Variants in TMEM120B observed in about 807,000 individuals in gnomAD.
TMEM120B encodes the protein transmembrane protein 120B.
Under a neutral mutation model 55.5 loss-of-function variants are expected in TMEM120B, and 31 were observed. The ratio of observed to expected loss-of-function variants is 0.56; its 90% CI spans 0.42 to 0.75. TMEM120B has a LOEUF of 0.75. Ranked by LOEUF, TMEM120B falls within the 30% of genes least tolerant of loss-of-function variation. TMEM120B has a pLI of 0.00. For missense variants in TMEM120B, 399 were observed against 425.5 expected (o/e 0.94, Z 0.55); for synonymous variants, 203 against 176.3 (o/e 1.15, Z -1.20).
rs1432530021 is a variant in TMEM120B, at chr12:121,779,675, A to G, written c.*3953A>G. 1 of 1,613,132 alleles carries G rather than the reference A, an allele frequency of 6.2e-7. No individual in the cohort carries two copies. The highest frequency in any genetic ancestry group is 1.1e-5 in the South Asian group (1 of 91,076). ...AGGCGCTCAGGCCCTGGGTGGGGGG[A>G]GGAGCCAGCATTAGGTGAGGGGCCC... On this transcript the variant is annotated 3_prime_UTR_variant, in exon 12 of 12. Coordinates refer to ENST00000449592, the MANE Select transcript of TMEM120B (RefSeq NM_001080825.2).
At chr12:121,751,000 C>CA (rs1873295867) in intron 4 of TMEM120B, among the ~76,000 whole-genome samples, 1 of 112,632 alleles carries the variant, frequency 8.9e-6, no homozygotes, top group Admixed American at 8.7e-5. Context: ...ACCCCACACC[C>CA]CATATTCACA....
chr12:121,750,317 T>A, intron 3 of TMEM120B, 63 bp from the exon 4 acceptor site: 3 of 1,473,472 alleles, frequency 2.0e-6, no homozygotes, highest in Non-Finnish European at 2.8e-6. Flanking sequence ...GTGTTGAGTT[T>A]GAATGTTGTT....
At chr12:121,739,629 C>A (rs1343172772) in intron 1 of TMEM120B, among the ~76,000 whole-genome samples, 1 of 151,354 alleles carries the variant, frequency 6.6e-6, no homozygotes, top group African/African-American at 2.4e-5. Flanking sequence ...CCCGCCACCA[C>A]ACCTGGCTAA....
At chr12:121,728,852 G>A (rs1351539889) in intron 1 of TMEM120B, among the ~76,000 whole-genome samples, 2 of 152,226 alleles carry the variant, frequency 1.3e-5, no homozygotes, top group East Asian at 3.9e-4. Context: ...TGGCAAGACA[G>A]CCCTATGAGC....
At chr12:121,724,440 A>G (rs1894852335) in intron 1 of TMEM120B, among the ~76,000 whole-genome samples, 1 of 151,782 alleles carries the variant, frequency 6.6e-6, no homozygotes. Context: ...GGCCTCCCAA[A>G]GTGCTGGGAT....
intron 2 of TMEM120B, among the ~76,000 whole-genome samples, chr12:121,744,490 G>A (rs1030725759): frequency 1.3e-5 from 2 of 152,216 alleles, no homozygotes; most frequent in South Asian, 4.1e-4. Context: ...CCTTTTGTGG[G>A]TGTGGGGTGC....
chr12:121,757,020 T>G lies in TMEM120B; in HGVS notation c.462-4629T>G, dbSNP rs1873493573. ...GGCAGTGTACGGTGTCCGTCATGACTTCGGCAGCACCAGAGAGCGTCCACA... is the reference window on the plus strand; with the variant it reads ...GGCAGTGTACGGTGTCCGTCATGACGTCGGCAGCACCAGAGAGCGTCCACA... On this transcript the variant is annotated intron_variant, in intron 5 of 11. Coordinates refer to ENST00000449592, the MANE Select transcript of TMEM120B (RefSeq NM_001080825.2). 2.0e-5 allele frequency among the ~76,000 whole-genome samples: 3 copies of G among 152,060 alleles called. No individual in the cohort carries two copies. The South Asian group carries it at 6.2e-4, about 32-fold the overall frequency.
At chr12:121,720,271 A>C (rs1167072588) in intron 1 of TMEM120B, among the ~76,000 whole-genome samples, 1 of 152,172 alleles carries the variant, frequency 6.6e-6, no homozygotes, top group African/African-American at 2.4e-5. Flanking sequence ...ATGGATTCTG[A>C]CACATGACTC....
intron 6 of TMEM120B, 62 bp from the exon 7 acceptor site, chr12:121,770,845 C>T (rs1037237033): frequency 8.2e-5 from 124 of 1,513,284 alleles, no homozygotes; most frequent in Admixed American, 1.0e-4. Context: ...GGGGCCTCAG[C>T]GAGACACATG....
chr12:121,727,750 A>G (rs561080807), intron 1 of TMEM120B, among the ~76,000 whole-genome samples: 1 of 149,270 alleles, frequency 6.7e-6, no homozygotes, highest in Non-Finnish European at 1.5e-5. Context: ...GGCAGGCGCC[A>G]GTAGTCCCAG....
chr12:121,757,151 G>A (rs900576887), intron 5 of TMEM120B, among the ~76,000 whole-genome samples: 3 of 149,736 alleles, frequency 2.0e-5, no homozygotes, highest in African/African-American at 7.5e-5. Flanking sequence ...GGGGGGGGGG[G>A]GTGTCACTTA....
rs1265671645 is a variant in TMEM120B, at chr12:121,778,540, A to C, written c.*2818A>C. On this transcript the variant is annotated 3_prime_UTR_variant, in exon 12 of 12. Coordinates refer to ENST00000449592, the MANE Select transcript of TMEM120B (RefSeq NM_001080825.2). ...GATTAGGTATCTGGCTGTTGGTGAC[A>C]CAGGTGGTCTATGAACCAGTTCTGA... 6.6e-6 allele frequency: 1 copy of C among 151,794 alleles called. No individual in the cohort carries two copies. The highest frequency in any genetic ancestry group is 2.4e-5 in the African/African-American group (1 of 41,254). The allele number at this position is 151,794 out of a possible 1,614,324, so 9.4% of individuals were successfully genotyped here.
At chr12:121,751,754 C>A (rs1592939113) in intron 4 of TMEM120B, among the ~76,000 whole-genome samples, 3 of 150,490 alleles carry the variant, frequency 2.0e-5, no homozygotes, top group African/African-American at 7.3e-5. Context: ...CGCCCTATCA[C>A]ACACATAGGG....
intron 1 of TMEM120B, among the ~76,000 whole-genome samples, chr12:121,715,455 T>G (rs1894682973): frequency 6.6e-6 from 1 of 152,218 alleles, no homozygotes; most frequent in Non-Finnish European, 1.5e-5. Flanking sequence ...TGACTCTTTC[T>G]TAGGACTTGG....
At chr12:121,719,622 C>T (rs774642631) in intron 1 of TMEM120B, among the ~76,000 whole-genome samples, 2 of 151,980 alleles carry the variant, frequency 1.3e-5, no homozygotes, top group Non-Finnish European at 2.9e-5. Flanking sequence ...ACAGTGGCAT[C>T]GATTGGACAC....
At chr12:121,751,745 G>A (rs547170207) in intron 4 of TMEM120B, among the ~76,000 whole-genome samples, 72 of 146,094 alleles carry the variant, frequency 4.9e-4, no homozygotes, top group African/African-American at 1.7e-3. Context: ...TCTGTTTCAC[G>A]CCCTATCACA....
At chr12:121,759,741 A>C (rs1359521316) in intron 5 of TMEM120B, among the ~76,000 whole-genome samples, 2 of 152,084 alleles carry the variant, frequency 1.3e-5, no homozygotes, top group Non-Finnish European at 2.9e-5. Flanking sequence ...CATGCCTGTA[A>C]TGCCAGCACT....
At chr12:121,727,207 A>G (rs1894912407) in intron 1 of TMEM120B, among the ~76,000 whole-genome samples, 2 of 151,900 alleles carry the variant, frequency 1.3e-5, no homozygotes, top group Admixed American at 1.3e-4. Flanking sequence ...TGAAGGAATC[A>G]TTCAAGCAGC....
intron 1 of TMEM120B, among the ~76,000 whole-genome samples, chr12:121,715,792 C>T (rs1008216306): frequency 6.6e-6 from 1 of 151,904 alleles, no homozygotes; most frequent in African/African-American, 2.4e-5. Flanking sequence ...CATGCTGATT[C>T]CCTGGACGGG....
Sources: allele counts gnomAD v4.1 joint callset (sites outside exome capture counted in the v4.1 genomes callset), GRCh38; gene constraint gnomAD v4.1.1; transcripts MANE v1.5; gene names NCBI Gene and HGNC (gene_info 2026-07-23, HGNC 2026-07-21).